Variants in ROBO2 observed in about 807,000 individuals in gnomAD.
ROBO2 encodes roundabout guidance receptor 2, also known as roundabout homolog 2.
A neutral mutation model predicts 160.8 loss-of-function variants in ROBO2; 53 were observed. The ratio of observed to expected loss-of-function variants is 0.33; its 90% CI spans 0.26 to 0.41. ROBO2 has a LOEUF of 0.41. Among genes scored for constraint, ROBO2 ranks in the 10% least tolerant of loss-of-function variants. The pLI is 1.00. For synonymous variants in ROBO2, 664 were observed against 611.7 expected, an observed-to-expected ratio of 1.09 and a Z score of -1.26; for missense variants, 1,577 against 1,722.4, an observed-to-expected ratio of 0.92 and a Z score of 1.49.
At chr3:76,532,640 A>G (rs1373621032) in intron 2 of ROBO2, among the ~76,000 whole-genome samples, 1 of 152,134 alleles carries the variant, frequency 6.6e-6, no homozygotes, top group Admixed American at 6.5e-5. Flanking sequence ...CGTTCTAGCA[A>G]CTCACAGTAA....
chr3:76,017,538 G>A (rs2066438283), intron 2 of ROBO2, among the ~76,000 whole-genome samples: 1 of 152,038 alleles, frequency 6.6e-6, no homozygotes, highest in Non-Finnish European at 1.5e-5. Context: ...TTGAAATGTA[G>A]GCAAATATTA....
At chr3:76,548,079 A>G (rs933948867) in intron 2 of ROBO2, among the ~76,000 whole-genome samples, 1 of 152,168 alleles carries the variant, frequency 6.6e-6, no homozygotes, top group Non-Finnish European at 1.5e-5. Flanking sequence ...GTGCATATAT[A>G]AAACTCACTA....
At chr3:77,369,540 A>G (rs994287271) in intron 2 of ROBO2, among the ~76,000 whole-genome samples, 2 of 152,188 alleles carry the variant, frequency 1.3e-5, no homozygotes, top group African/African-American at 4.8e-5. Context: ...GGCAAGTTGC[A>G]TACTTACCTG....
At chr3:77,490,382 G>A (rs1331353468) in intron 4 of ROBO2, among the ~76,000 whole-genome samples, 5 of 152,016 alleles carry the variant, frequency 3.3e-5, no homozygotes, top group Admixed American at 6.5e-5. Context: ...GAGCCACCAC[G>A]CCCGGCCTGT....
At chr3:77,473,108 G>T (rs1197681309) in intron 2 of ROBO2, among the ~76,000 whole-genome samples, 1 of 152,034 alleles carries the variant, frequency 6.6e-6, no homozygotes, top group African/African-American at 2.4e-5. Context: ...TTATAGATGA[G>T]CTTGAGGATG....
At chr3:77,647,166 A>T (rs2095418110) in exon 26 of ROBO2, 2 of 152,544 alleles carry the variant, frequency 1.3e-5, no homozygotes, top group Admixed American at 6.6e-5. Flanking sequence ...TAATACATGT[A>T]CAGTGCACAC....
At chr3:76,678,916 C>T (rs763129311) in intron 2 of ROBO2, among the ~76,000 whole-genome samples, 1 of 152,022 alleles carries the variant, frequency 6.6e-6, no homozygotes, top group Non-Finnish European at 1.5e-5. Flanking sequence ...TATAGGATGT[C>T]CTCATTACTT....
intron 2 of ROBO2, among the ~76,000 whole-genome samples, chr3:76,197,058 C>G (rs974839254): frequency 6.6e-6 from 1 of 152,168 alleles, no homozygotes; most frequent in African/African-American, 2.4e-5. Flanking sequence ...TACTGTTGTA[C>G]CCAGCTGAGT....
At chr3:76,217,948 A>C (rs1036501983) in intron 2 of ROBO2, among the ~76,000 whole-genome samples, 19 of 152,214 alleles carry the variant, frequency 1.2e-4, no homozygotes, top group Non-Finnish European at 2.1e-4. Flanking sequence ...GCAACACATC[A>C]AAAAGCTTAT....
chr3:76,307,926 T>C (rs1347838281), intron 2 of ROBO2, among the ~76,000 whole-genome samples: 1 of 152,148 alleles, frequency 6.6e-6, no homozygotes, highest in African/African-American at 2.4e-5. Context: ...CTCAGAAGGA[T>C]TGAGAGTGCA....
intron 2 of ROBO2, among the ~76,000 whole-genome samples, chr3:76,745,596 C>T (rs1461660430): frequency 6.6e-6 from 1 of 152,002 alleles, no homozygotes; most frequent in Non-Finnish European, 1.5e-5. Context: ...AATCTTGTCT[C>T]TGTTCCTGAT....
In ROBO2 at chr3:76,974,537, C is replaced by T. The variant is rs1647719153; in HGVS notation, c.110-123477C>T. 2.0e-5 allele frequency among the ~76,000 whole-genome samples: 3 copies of T among 152,204 alleles called. 1 individual carries two copies. The South Asian group carries it at 6.2e-4, about 32-fold the overall frequency. Reference sequence around the variant, plus strand: ...ATCACCCAGCCTGAAGGACTGCAACCCAGGTGTTCTGGTTACTATGTTCAT... The same window carrying T: ...ATCACCCAGCCTGAAGGACTGCAACTCAGGTGTTCTGGTTACTATGTTCAT... On this transcript the variant is annotated intron_variant, in intron 2 of 26. Coordinates refer to the ROBO2 transcript ENST00000487694.
chr3:76,119,871 TCCTTCCCTTCCTTC>T (rs150906854), intron 2 of ROBO2, among the ~76,000 whole-genome samples: 1,936 of 138,468 alleles, frequency 0.014, 84 homozygotes, highest in African/African-American at 0.049. Flanking sequence ...TCCCTCCCCT[TCCTTCCCTTCCTTC>T]CCTTCCCTTC....
chr3:77,378,783 G>A (rs1195361600), intron 2 of ROBO2, among the ~76,000 whole-genome samples: 2 of 152,040 alleles, frequency 1.3e-5, no homozygotes, highest in Non-Finnish European at 2.9e-5. Context: ...CCATGCTATG[G>A]TTAACTATGC....
chr3:77,077,878 C>A (rs2068178142), intron 1 of ROBO2, among the ~76,000 whole-genome samples: 1 of 152,136 alleles, frequency 6.6e-6, no homozygotes, highest in African/African-American at 2.4e-5. Context: ...CTGCTTTCTC[C>A]TTGAGGCCAG....
intron 2 of ROBO2, among the ~76,000 whole-genome samples, chr3:76,029,325 C>T (rs535941053): frequency 4.6e-5 from 7 of 151,900 alleles, no homozygotes; most frequent in Admixed American, 3.9e-4. Context: ...TTAATGTCTC[C>T]TAAATATTTG....
At chr3:76,275,608 G>A (rs1707873227) in intron 2 of ROBO2, among the ~76,000 whole-genome samples, 1 of 152,052 alleles carries the variant, frequency 6.6e-6, no homozygotes, top group South Asian at 2.1e-4. Flanking sequence ...TTCCCTAGAT[G>A]AAAACCCCAG....
chr3:76,372,620 G>A (rs2076160279), intron 2 of ROBO2, among the ~76,000 whole-genome samples: 1 of 151,898 alleles, frequency 6.6e-6, no homozygotes, highest in African/African-American at 2.4e-5. Flanking sequence ...ATTGAGCATA[G>A]AAATTGAATC....
At chr3:77,548,328 T>C (rs932449961) in intron 7 of ROBO2, among the ~76,000 whole-genome samples, 5 of 152,102 alleles carry the variant, frequency 3.3e-5, no homozygotes, top group African/African-American at 1.2e-4. Context: ...ATAAGTTGCT[T>C]TACACATTAT....
Sources: gnomAD v4.1 joint callset for allele counts (sites outside exome capture counted in the v4.1 genomes callset) on GRCh38, gnomAD v4.1.1 for gene constraint, MANE v1.5 for transcripts, NCBI Gene and HGNC (gene_info 2026-07-23, HGNC 2026-07-21) for gene names.